Variants in CASR observed in about 807,000 individuals in gnomAD.
CASR encodes extracellular calcium-sensing receptor.
CASR carries 23 observed loss-of-function variants against 69.1 expected under a neutral mutation model. That is an observed-to-expected ratio of 0.33 (90% CI 0.24 to 0.47). The LOEUF (loss-of-function observed/expected upper bound fraction) is 0.47, where lower values mean the gene tolerates loss of function less well. Ranked by LOEUF, CASR falls within the 20% of genes least tolerant of loss-of-function variation. The pLI, the probability that CASR is intolerant of heterozygous loss-of-function variation, is 1.00. For synonymous variants in CASR, 541 were observed against 544.7 expected (o/e 0.99, Z 0.10); for missense variants, 924 against 1,356.1 (o/e 0.68, Z 5.00).
At chr3:122,189,440 G>C (rs900365112) in intron 1 of CASR, among the ~76,000 whole-genome samples, 1 of 152,178 alleles carries the variant, frequency 6.6e-6, no homozygotes, top group African/African-American at 2.4e-5. Context: ...CAGATTTCTT[G>C]GGTTAAGTAA....
chr3:122,252,349 A>G (rs1272697216), intron 1 of CASR, among the ~76,000 whole-genome samples: 1 of 44,186 alleles, frequency 2.3e-5, no homozygotes, highest in Non-Finnish European at 4.8e-5. Flanking sequence ...AGAAAGAAGA[A>G]AGAAAGAAAG....
Position 122,284,097 on chromosome 3 carries a change from C to G in CASR, c.2143C>G (p.His715Asp). ...VFEAKIPTSFHRKWWGLNLQF... is the reference protein window; with the variant it reads ...VFEAKIPTSFDRKWWGLNLQF... Reference sequence around the variant, plus strand: ...TGAGGCCAAGATCCCCACCAGCTTCCACCGCAAGTGGTGGGGGCTCAACCT... The same window carrying G: ...TGAGGCCAAGATCCCCACCAGCTTCGACCGCAAGTGGTGGGGGCTCAACCT... Residue 715 changes from histidine (H) to aspartate (D), a missense_variant, in exon 7 of 7, where the codon CAC (histidine) becomes GAC (aspartate). This residue lies in a region of CASR where 184 missense variants were observed against 278.8 expected (regional missense o/e 0.66). Coordinates refer to ENST00000639785, the MANE Select transcript of CASR (RefSeq NM_000388.4). The G allele has an allele frequency of 6.2e-7, 1 of 1,614,166 alleles. No homozygotes were observed. Among genetic ancestry groups the G allele is most frequent in the Non-Finnish European group, 8.5e-7 (1 of 1,180,010 alleles).
intron 1 of CASR, among the ~76,000 whole-genome samples, chr3:122,234,720 T>C (rs1233043297): frequency 6.6e-6 from 1 of 152,216 alleles, no homozygotes; most frequent in African/African-American, 2.4e-5. Flanking sequence ...TCACTGAGGC[T>C]CAGGCTATGT....
In CASR at chr3:122,262,028, G is replaced by A; in HGVS notation, c.993G>A (p.Arg331=). 6.2e-7 allele frequency: 1 copy of A among 1,614,158 alleles called. No homozygotes were observed. Among genetic ancestry groups the A allele is most frequent in the African/African-American group, 1.3e-5 (1 of 75,026 alleles). ...AGGCTGGGCAGATCCCAGGCTTCCGGGAATTCCTGAAGAAGGTCCATCCCA... is the reference window on the plus strand; with the variant it reads ...AGGCTGGGCAGATCCCAGGCTTCCGAGAATTCCTGAAGAAGGTCCATCCCA... ...ALKAGQIPGF[R]EFLKKVHPRK... The change falls in exon 4 of 7, where the codon CGG becomes CGA. Residue 331 remains arginine (R), a synonymous_variant. Coordinates refer to ENST00000639785, the MANE Select transcript of CASR (RefSeq NM_000388.4).
At chr3:122,204,544 G>A (rs2073987547) in intron 1 of CASR, among the ~76,000 whole-genome samples, 1 of 152,108 alleles carries the variant, frequency 6.6e-6, no homozygotes, top group African/African-American at 2.4e-5. Flanking sequence ...ATAAACATAG[G>A]AGTGCAAATA....
intron 5 of CASR, 176 bp from the exon 6 acceptor site, chr3:122,281,937 T>C: frequency 2.6e-6 from 2 of 755,728 alleles, no homozygotes; most frequent in Non-Finnish European, 4.5e-6. Context: ...TCTGTCCCTT[T>C]CACAGATATC....
chr3:122,256,814 C>T (rs1382228065), intron 2 of CASR, among the ~76,000 whole-genome samples: 49 of 152,106 alleles, frequency 3.2e-4, no homozygotes, highest in Admixed American at 3.2e-3. Flanking sequence ...GACGGGGTTT[C>T]GCCATGTTTT....
At chr3:122,257,833 A>G (rs2074572942) in intron 3 of CASR, among the ~76,000 whole-genome samples, 1 of 152,250 alleles carries the variant, frequency 6.6e-6, no homozygotes. Flanking sequence ...AGAGGGAAGC[A>G]GAGCATATTT....
At chr3:122,226,995 G>T (rs917913934) in intron 1 of CASR, among the ~76,000 whole-genome samples, 2 of 152,040 alleles carry the variant, frequency 1.3e-5, no homozygotes, top group African/African-American at 4.8e-5. Context: ...AGTGCCAATT[G>T]GTGTATTCAC....
chr3:122,220,318 C>A (rs1471406835), intron 1 of CASR, among the ~76,000 whole-genome samples: 4 of 152,228 alleles, frequency 2.6e-5, no homozygotes, highest in Non-Finnish European at 4.4e-5. Context: ...GATTTCTACC[C>A]AACAACACCT....
At chr3:122,233,541 G>A (rs1358394864) in intron 1 of CASR, among the ~76,000 whole-genome samples, 1 of 152,232 alleles carries the variant, frequency 6.6e-6, no homozygotes, top group African/African-American at 2.4e-5. Context: ...AAATGCAAGA[G>A]GGCGACTTCA....
At chr3:122,184,694 G>C (rs1397652623) in intron 1 of CASR, among the ~76,000 whole-genome samples, 1 of 152,244 alleles carries the variant, frequency 6.6e-6, no homozygotes, top group Non-Finnish European at 1.5e-5. Flanking sequence ...GTAGGGACCA[G>C]ATTACAGGAT....
intron 1 of CASR, among the ~76,000 whole-genome samples, chr3:122,223,340 A>T (rs1216190120): frequency 6.6e-6 from 1 of 152,140 alleles, no homozygotes; most frequent in African/African-American, 2.4e-5. Context: ...GATCCAAATA[A>T]ACACAATTGG....
intron 1 of CASR, among the ~76,000 whole-genome samples, chr3:122,195,467 C>T (rs1029989568): frequency 2.0e-5 from 3 of 152,182 alleles, no homozygotes; most frequent in Admixed American, 6.5e-5. Flanking sequence ...TTGGTGTGTT[C>T]TGTAATCTGA....
rs991319593 is a variant in CASR, at chr3:122,285,676, A to G, written c.*485A>G. On this transcript the variant is annotated 3_prime_UTR_variant, in exon 7 of 7. Coordinates refer to ENST00000639785, the MANE Select transcript of CASR (RefSeq NM_000388.4). ...AAGGAGAATGTATCTCCTCCTATTT[A>G]TGAAAACCATATGATATTTTGTCTC... 5 of 179,716 alleles carry G rather than the reference A, an allele frequency of 2.8e-5. No individual in the cohort carries two copies. Among genetic ancestry groups the G allele is most frequent in the East Asian group, 1.3e-4 (1 of 7,594 alleles). 11.1% of individuals were successfully genotyped at this position (179,716 alleles called of 1,614,324 possible).
chr3:122,281,988 C>A, intron 5 of CASR, 125 bp from the exon 6 acceptor site: 1 of 1,390,464 alleles, frequency 7.2e-7, no homozygotes, highest in Non-Finnish European at 1.0e-6. Context: ...CTGGAATGGG[C>A]CCAACGTCTG....
chr3:122,213,619 T>G (rs1032823678), intron 1 of CASR, among the ~76,000 whole-genome samples: 3 of 152,192 alleles, frequency 2.0e-5, no homozygotes, highest in Admixed American at 2.0e-4. Flanking sequence ...CGTCTCTTGG[T>G]CCTCCTGGTC....
intron 1 of CASR, among the ~76,000 whole-genome samples, chr3:122,249,819 C>T (rs33914662): frequency 0.01 from 1,577 of 152,282 alleles, 15 homozygotes; most frequent in South Asian, 0.032. Context: ...TTGGAGATAA[C>T]TACAGTAAGA....
At chr3:122,246,846 G>T (rs1236407752) in intron 1 of CASR, 1 of 152,158 alleles carries the variant, frequency 6.6e-6, no homozygotes, top group East Asian at 1.9e-4. Context: ...ATGGGGAAAG[G>T]CTCAGTGTAC....
Sources: gnomAD v4.1 joint callset for allele counts (sites outside exome capture counted in the v4.1 genomes callset) on GRCh38, gnomAD v4.1.1 for gene constraint, gnomAD v4.1.1 regional missense constraint, MANE v1.5 for transcripts, NCBI Gene and HGNC (gene_info 2026-07-23, HGNC 2026-07-21) for gene names.